SEPTIN9: variants seen among roughly 807,000 people sequenced by gnomAD.
The protein encoded by SEPTIN9 is septin 9, also known as septin-9.
Under a neutral mutation model 56.6 loss-of-function variants are expected in SEPTIN9, and 13 were observed. The ratio of observed to expected loss-of-function variants is 0.23; its 90% CI spans 0.15 to 0.37. The LOEUF (loss-of-function observed/expected upper bound fraction) is 0.37. Among genes scored for constraint, SEPTIN9 ranks in the 10% least tolerant of loss-of-function variants. The pLI, the probability that SEPTIN9 is intolerant of heterozygous loss-of-function variation, is 1.00. For synonymous variants in SEPTIN9, 332 were observed against 334.1 expected (o/e 0.99, Z 0.07); for missense variants, 650 against 823.1 (o/e 0.79, Z 2.57).
At chr17:77,356,089 A>C (rs2034227502) in intron 2 of SEPTIN9, among the ~76,000 whole-genome samples, 1 of 152,006 alleles carries the variant, frequency 6.6e-6, no homozygotes, top group Non-Finnish European at 1.5e-5. Context: ...CTAGACCCGG[A>C]CATAAACGCC....
At chr17:77,419,369 C>A (rs1265514761) in intron 3 of SEPTIN9, among the ~76,000 whole-genome samples, 3 of 151,936 alleles carry the variant, frequency 2.0e-5, no homozygotes, top group Non-Finnish European at 4.4e-5. Flanking sequence ...CAGCAGCCGC[C>A]GCAGGGACCC....
In SEPTIN9 at chr17:77,319,918, C is replaced by T; in HGVS notation, c.76+12721C>T. ...GGTGGAGAGAGGAGGCTGCCGGAAG[C>T]CGCACTCGGGACCTCTGCAGCCACC... On this transcript the variant is annotated intron_variant, in intron 2 of 11. Coordinates refer to ENST00000427177, the MANE Select transcript of SEPTIN9 (RefSeq NM_001113491.2). This position sits in a 1 kb window ranked among gnomAD's most constrained non-coding sequence, Gnocchi z 5.3. 1 of 1,108,378 alleles carries T rather than the reference C, an allele frequency of 9.0e-7. No homozygotes were observed. 68.7% of individuals were successfully genotyped at this position (1,108,378 alleles called of 1,614,324 possible). A position where few individuals can be genotyped will look rare whatever the true frequency, so the allele number is the denominator to read the frequency against.
At position 77,422,174 on chromosome 17, in the gene SEPTIN9, C is replaced by T. The variant is rs143688903; in HGVS notation, c.721+19471C>T. Among the ~76,000 whole-genome samples, 542 of 152,314 alleles carry T rather than the reference C, an allele frequency of 3.6e-3. 19 individuals carry two copies. The South Asian group carries it at 0.076, about 21-fold the overall frequency. On this transcript the variant is annotated intron_variant, in intron 3 of 11. Coordinates refer to ENST00000427177, the MANE Select transcript of SEPTIN9 (RefSeq NM_001113491.2). ...TGCTCAGCTGGGGTTTTCCTTTAAC[C>T]CTTCCTGGCCCTTCCCAGGTGCAGG...
chr17:77,353,608 A>G (rs1380040285), intron 2 of SEPTIN9, among the ~76,000 whole-genome samples: 2 of 152,004 alleles, frequency 1.3e-5, no homozygotes, highest in Non-Finnish European at 2.9e-5. Flanking sequence ...TTCAGAATGT[A>G]ATGTTATTGG....
chr17:77,368,405 A>G (rs956935001), intron 2 of SEPTIN9, among the ~76,000 whole-genome samples: 19 of 149,260 alleles, frequency 1.3e-4, no homozygotes, highest in Admixed American at 2.0e-4. Context: ...TCCGCCTCCC[A>G]GGTTCAGGCG....
intron 2 of SEPTIN9, among the ~76,000 whole-genome samples, chr17:77,308,190 C>T (rs1040903842): frequency 6.6e-6 from 1 of 152,220 alleles, no homozygotes; most frequent in Non-Finnish European, 1.5e-5. Flanking sequence ...GGGTGCCAGA[C>T]CCCTGGCTGC....
intron 4 of SEPTIN9, chr17:77,482,842 T>A: frequency 2.2e-6 from 1 of 461,204 alleles, no homozygotes; most frequent in South Asian, 3.1e-5. Flanking sequence ...AGGTCGTCGA[T>A]CAGCACGACC....
At chr17:77,350,201 A>G (rs558204479) in intron 2 of SEPTIN9, among the ~76,000 whole-genome samples, 2 of 150,604 alleles carry the variant, frequency 1.3e-5, no homozygotes, top group East Asian at 3.9e-4. Flanking sequence ...CATCTTTTGC[A>G]GACAGGGTGG....
At chr17:77,364,488 A>T (rs1042778525) in intron 2 of SEPTIN9, among the ~76,000 whole-genome samples, 2 of 152,304 alleles carry the variant, frequency 1.3e-5, no homozygotes, top group South Asian at 4.1e-4. Flanking sequence ...TTTGCACTGG[A>T]GCCTCTTTGG....
In SEPTIN9 at chr17:77,476,018, A is replaced by G. The variant is rs2039199808; in HGVS notation, c.722-6126A>G. The G allele has an allele frequency of 8.8e-7, 1 of 1,140,764 alleles. No individual in the cohort carries two copies. Among genetic ancestry groups the G allele is most frequent in the East Asian group, 2.4e-5 (1 of 42,362 alleles). 70.7% of individuals were successfully genotyped at this position (1,140,764 alleles called of 1,614,324 possible). A position where few individuals can be genotyped will look rare whatever the true frequency, so the allele number is the denominator to read the frequency against. On this transcript the variant is annotated intron_variant, in intron 3 of 11. Coordinates refer to ENST00000427177, the MANE Select transcript of SEPTIN9 (RefSeq NM_001113491.2). The surrounding 1 kb of genome is among the most constrained non-coding windows in gnomAD (Gnocchi z 6.0). ...CCCTGAGCACTTTGTCCTGGGGTGC[A>G]GGCCCGGCTGTCACTCCCCTGGAGC...
chr17:77,460,613 G>A (rs1314643860), intron 3 of SEPTIN9, among the ~76,000 whole-genome samples: 1 of 152,164 alleles, frequency 6.6e-6, no homozygotes, highest in African/African-American at 2.4e-5. Flanking sequence ...CACCAGAAAT[G>A]GCCCAGGAAA....
intron 2 of SEPTIN9, among the ~76,000 whole-genome samples, chr17:77,383,707 G>T (rs1248685791): frequency 1.3e-5 from 2 of 152,178 alleles, no homozygotes; most frequent in African/African-American, 4.8e-5. Context: ...GTGGGAGAGG[G>T]TGCACGGAGG....
intron 3 of SEPTIN9, among the ~76,000 whole-genome samples, chr17:77,464,544 G>C (rs1316976294): frequency 6.6e-6 from 1 of 151,864 alleles, no homozygotes; most frequent in Non-Finnish European, 1.5e-5. Context: ...GACACACTCA[G>C]AATAATGTTT....
intron 2 of SEPTIN9, among the ~76,000 whole-genome samples, chr17:77,372,698 G>T (rs1166704098): frequency 6.6e-6 from 1 of 152,182 alleles, no homozygotes; most frequent in Non-Finnish European, 1.5e-5. Flanking sequence ...GCTCACCCAG[G>T]AGGGTGCAGC....
chr17:77,403,778 A>G (rs919211764), intron 3 of SEPTIN9, among the ~76,000 whole-genome samples: 3 of 152,318 alleles, frequency 2.0e-5, no homozygotes, highest in African/African-American at 7.2e-5. Flanking sequence ...GGTGAAATAC[A>G]CAACATACAA....
rs1368601210 is a variant in SEPTIN9 at position 77,389,663 on chromosome 17, T to C, written c.77-12396T>C. On this transcript the variant is annotated intron_variant, in intron 2 of 11. Transcript: ENST00000427177. This position sits in a 1 kb window ranked among gnomAD's most constrained non-coding sequence, Gnocchi z 4.3. ...ACCTAGACCCTCCCACACAGATCCG[T>C]CCCACCCTTCTGCTGCCTTCCACCA... is the stretch of plus-strand genomic sequence containing the variant. 1.3e-5 allele frequency among the ~76,000 whole-genome samples: 2 copies of C among 151,754 alleles called. No individual in the cohort carries two copies. The highest frequency in any genetic ancestry group is 4.8e-5 in the African/African-American group (2 of 41,362).
chr17:77,445,245 C>T lies in SEPTIN9; in HGVS notation c.722-36899C>T. ...GGGCGTCACAGCTACAAATGCATAC[C>T]AGCCCTCAGAACCACATTCCTGCTC... is the stretch of plus-strand genomic sequence containing the variant. On this transcript the variant is annotated intron_variant, in intron 3 of 11. Coordinates refer to ENST00000427177, the MANE Select transcript of SEPTIN9 (RefSeq NM_001113491.2). The surrounding 1 kb of genome is among the most constrained non-coding windows in gnomAD (Gnocchi z 4.7). 1 of 470,642 alleles carries T rather than the reference C, an allele frequency of 2.1e-6. No homozygotes were observed. 29.2% of individuals were successfully genotyped at this position (470,642 alleles called of 1,614,324 possible).
At position 77,487,150 on chromosome 17, in the gene SEPTIN9, ACT is replaced by A. The variant is rs2039827676; in HGVS notation, c.914-270_914-269del. On this transcript the variant is annotated intron_variant, in intron 4 of 11. Coordinates refer to ENST00000427177, the MANE Select transcript of SEPTIN9 (RefSeq NM_001113491.2). The surrounding 1 kb of genome is among the most constrained non-coding windows in gnomAD (Gnocchi z 4.3). ...AGCACAAGGGGCACAAGAGATGCCGACTCTCCCAGGCCCGGCTCACCTCTCAG... is the reference window on the plus strand; with the variant it reads ...AGCACAAGGGGCACAAGAGATGCCGACTCCCAGGCCCGGCTCACCTCTCAG... 6.6e-6 allele frequency among the ~76,000 whole-genome samples: 1 copy of A among 151,418 alleles called. No individual in the cohort carries two copies. The highest frequency in any genetic ancestry group is 2.4e-5 in the African/African-American group (1 of 41,180).
chr17:77,487,597 T>A lies in SEPTIN9; in HGVS notation c.1042+45T>A. ...CTGGGGGTGCAGGACGCCCCTGCCT[T>A]CCTGGAGCACAGGGGTTGGGGGTCA... On this transcript the variant is annotated intron_variant, in intron 5 of 11. Transcript: ENST00000427177. This position sits in a 1 kb window ranked among gnomAD's most constrained non-coding sequence, Gnocchi z 4.3. The A allele has an allele frequency of 6.3e-7, 1 of 1,591,084 alleles. No homozygotes were observed. The highest frequency in any genetic ancestry group is 8.5e-7 in the Non-Finnish European group (1 of 1,173,320).
Sources: gnomAD v4.1 joint callset for allele counts (sites outside exome capture counted in the v4.1 genomes callset) on GRCh38, gnomAD v4.1.1 for gene constraint, Gnocchi (gnomAD v3.1) non-coding constraint, MANE v1.5 for transcripts, NCBI Gene and HGNC (gene_info 2026-07-23, HGNC 2026-07-21) for gene names.